OR6C68: variants seen among roughly 807,000 people sequenced by gnomAD.
The protein encoded by OR6C68 is olfactory receptor 6C68.
For missense variants in OR6C68, 440 were observed against 368.5 expected (o/e 1.19, Z -1.59); for synonymous variants, 161 against 129.8 (o/e 1.24, Z -1.63).
In OR6C68 at chr12:55,492,782, C is replaced by A. The variant is rs1234082006; in HGVS notation, c.405C>A (p.Ser135Arg). Residue 135 changes from serine to arginine, a missense_variant, in exon 1 of 1, where the codon AGC (serine) becomes AGA (arginine). Physicochemically the swap from Ser to Arg is moderately radical, Grantham distance 110. Coordinates refer to ENST00000548615, the MANE Select transcript of OR6C68 (RefSeq NM_001005519.2). ...CCTTGCATTATATGGCAATCATGAGCAACAAAGTGTGCAAAACAATGGTTA... is the reference window on the plus strand; with the variant it reads ...CCTTGCATTATATGGCAATCATGAGAAACAAAGTGTGCAAAACAATGGTTA... ...CKPLHYMAIM[S>R]NKVCKTMVIC... 6.2e-7 allele frequency: 1 copy of A among 1,613,986 alleles called. No individual in the cohort carries two copies. The highest frequency in any genetic ancestry group is 8.5e-7 in the Non-Finnish European group (1 of 1,180,006).
In OR6C68 at chr12:55,492,440, G is replaced by T. The variant is rs756062460; in HGVS notation, c.63G>T (p.Leu21=). The change falls in exon 1 of 1, where the codon CTG becomes CTT. Residue 21 remains leucine (L), a synonymous_variant. Transcript: ENST00000548615. Reference sequence around the variant, plus strand: ...TGGGACTGACAGAAGATCCTCAGCTGCAGGTTCTGCTTTTCATGTTTCTAT... The same window carrying T: ...TGGGACTGACAGAAGATCCTCAGCTTCAGGTTCTGCTTTTCATGTTTCTAT... ...ILLGLTEDPQ[L]QVLLFMFLFI... 13 of 1,613,748 alleles carry T rather than the reference G, an allele frequency of 8.1e-6. No homozygotes were observed. In the East Asian group the frequency reaches 2.9e-4, roughly 36 times the overall value.
Position 55,492,730 on chromosome 12 carries a change from A to G in OR6C68, c.353A>G (p.Tyr118Cys). ...TTTTTTCTTTTGGCTACCATGTCAT[A>G]TGATCGCTATGTGGCCATCTGCAAA... ...TEFFLLATMS[Y>C]DRYVAICKPL... Residue 118 changes from tyrosine to cysteine, a missense_variant, in exon 1 of 1, where the codon TAT becomes TGT. Coordinates refer to ENST00000548615, the MANE Select transcript of OR6C68 (RefSeq NM_001005519.2). The G allele has an allele frequency of 6.2e-7, 1 of 1,614,164 alleles. No individual in the cohort carries two copies. Among genetic ancestry groups the G allele is most frequent in the Non-Finnish European group, 8.5e-7 (1 of 1,180,008 alleles).
chr12:55,492,899 T>A lies in OR6C68; in HGVS notation c.522T>A (p.His174Gln), dbSNP rs945922551. Reference protein sequence around the residue: ...LEFCDSNVINHFGCDALPILK... With the variant: ...LEFCDSNVINQFGCDALPILK... Reference sequence around the variant, plus strand: ...TCTGTGACTCTAATGTCATCAATCATTTTGGCTGTGATGCATTGCCTATTC... The same window carrying A: ...TCTGTGACTCTAATGTCATCAATCAATTTGGCTGTGATGCATTGCCTATTC... The change falls in exon 1 of 1, where the codon CAT (histidine) becomes CAA (glutamine). Residue 174 changes from histidine (H) to glutamine (Q), a missense_variant. Coordinates refer to ENST00000548615, the MANE Select transcript of OR6C68 (RefSeq NM_001005519.2). 1.2e-6 allele frequency: 2 copies of A among 1,613,096 alleles called. No individual in the cohort carries two copies. The highest frequency in any genetic ancestry group is 1.7e-6 in the Non-Finnish European group (2 of 1,179,410).
In OR6C68 at chr12:55,493,028, A is replaced by G. The variant is rs758924792; in HGVS notation, c.651A>G (p.Thr217=). 2.5e-6 allele frequency: 4 copies of G among 1,610,004 alleles called. No individual in the cohort carries two copies. The highest frequency in any genetic ancestry group is 3.4e-6 in the Non-Finnish European group (4 of 1,178,568). ...ITLVCVVLSY[T]YIIRTILKFP... The stretch of plus-strand genomic sequence containing the variant: ...TTGTATGTGTAGTTCTGTCCTACAC[A>G]TATATCATAAGAACAATTCTAAAAT... Residue 217 remains threonine (T), a synonymous_variant, in exon 1 of 1, where the codon ACA becomes ACG. Coordinates refer to ENST00000548615, the MANE Select transcript of OR6C68 (RefSeq NM_001005519.2).
Position 55,492,641 on chromosome 12 carries a change from A to C in OR6C68, c.264A>C (p.Lys88Asn). 6.2e-7 allele frequency: 1 copy of C among 1,613,886 alleles called. No individual in the cohort carries two copies. The highest frequency in any genetic ancestry group is 1.1e-5 in the South Asian group (1 of 91,086). Reference protein sequence around the residue: ...RFLYSISTGNKIITYNACVIQ... With the variant: ...RFLYSISTGNNIITYNACVIQ... ...TATACAGTATCTCAACTGGGAACAA[A>C]ATAATAACGTATAATGCATGTGTCA... Residue 88 changes from lysine (K) to asparagine (N), a missense_variant, in exon 1 of 1, where the codon AAA (lysine) becomes AAC (asparagine). Physicochemically the swap from Lys to Asn is moderately conservative, Grantham distance 94. Transcript: ENST00000548615.
chr12:55,492,945 A>G lies in OR6C68; in HGVS notation c.568A>G (p.Thr190Ala), dbSNP rs1308270974. The change falls in exon 1 of 1, where the codon ACA becomes GCA. Residue 190 changes from threonine (T) to alanine (A), a missense_variant. Transcript: ENST00000548615. ...LPILKIPCSDTSLIEQMVVAS... is the reference protein window; with the variant it reads ...LPILKIPCSDASLIEQMVVAS... ...TATTCTGAAAATACCATGCTCAGAC[A>G]CATCATTAATTGAGCAGATGGTTGT... is the stretch of plus-strand genomic sequence containing the variant. 1.2e-6 allele frequency: 2 copies of G among 1,612,360 alleles called. No homozygotes were observed. Among genetic ancestry groups the G allele is most frequent in the Non-Finnish European group, 1.7e-6 (2 of 1,178,998 alleles).
rs1189213492 is a variant in OR6C68 at position 55,492,597 on chromosome 12, A to C, written c.220A>C (p.Thr74Pro). ...LSFLEISFTA[T>P]CVPRFLYSIS... ...TTTCTTAGAAATCTCATTTACAGCT[A>C]CCTGTGTTCCAAGATTCTTATACAG... is the stretch of plus-strand genomic sequence containing the variant. The change falls in exon 1 of 1, where the codon ACC (threonine) becomes CCC (proline). Residue 74 changes from threonine to proline, a missense_variant. By Grantham distance (38) the Thr-to-Pro change is conservative (BLOSUM62 -1). Transcript: ENST00000548615. 1 of 1,613,194 alleles carries C rather than the reference A, an allele frequency of 6.2e-7. No homozygotes were observed. Among genetic ancestry groups the C allele is most frequent in the Non-Finnish European group, 8.5e-7 (1 of 1,179,328 alleles).
Position 55,493,103 on chromosome 12 carries a change from T to C in OR6C68, c.726T>C (p.His242=), listed in dbSNP as rs776110341. Residue 242 remains histidine, a synonymous_variant, in exon 1 of 1, where the codon CAT becomes CAC. Transcript: ENST00000548615. ...KKKAFSTCSS[H]ITVVSITYGS... Reference sequence around the variant, plus strand: ...AAGCCTTTTCTACCTGTTCTTCACATATTACTGTGGTTTCCATCACTTATG... The same window carrying C: ...AAGCCTTTTCTACCTGTTCTTCACACATTACTGTGGTTTCCATCACTTATG... 3.1e-6 allele frequency: 5 copies of C among 1,609,370 alleles called. No individual in the cohort carries two copies. The South Asian group carries it at 5.6e-5, about 18-fold the overall frequency.
At position 55,493,120 on chromosome 12, in the gene OR6C68, T is replaced by C. The variant is rs1434408446; in HGVS notation, c.743T>C (p.Ile248Thr). ...TCTTCACATATTACTGTGGTTTCCA[T>C]CACTTATGGCAGCTGCATCTTCATC... Reference protein sequence around the residue: ...TCSSHITVVSITYGSCIFIYI... With the variant: ...TCSSHITVVSTTYGSCIFIYI... The change falls in exon 1 of 1, where the codon ATC becomes ACC. Residue 248 changes from isoleucine (I) to threonine (T), a missense_variant. Transcript: ENST00000548615. 18 of 1,611,020 alleles carry C rather than the reference T, an allele frequency of 1.1e-5. No individual in the cohort carries two copies. In the African/African-American group the frequency reaches 2.3e-4, roughly 20 times the overall value.
chr12:55,492,844 C>A lies in OR6C68; in HGVS notation c.467C>A (p.Pro156Gln). ...CWMAALMIILPPLSLGFHLEF... is the reference protein window; with the variant it reads ...CWMAALMIILQPLSLGFHLEF... ...ATGGCAGCACTTATGATTATCCTCC[C>A]ACCACTTAGCTTAGGTTTTCATCTA... Residue 156 changes from proline to glutamine, a missense_variant, in exon 1 of 1, where the codon CCA becomes CAA. Transcript: ENST00000548615. 6 of 1,614,074 alleles carry A rather than the reference C, an allele frequency of 3.7e-6. No homozygotes were observed. The highest frequency in any genetic ancestry group is 5.1e-6 in the Non-Finnish European group (6 of 1,179,962).
chr12:55,492,944 C>T lies in OR6C68; in HGVS notation c.567C>T (p.Asp189=), dbSNP rs1872530177. The T allele has an allele frequency of 6.2e-7, 1 of 1,611,978 alleles. No homozygotes were observed. Among genetic ancestry groups the T allele is most frequent in the African/African-American group, 1.3e-5 (1 of 75,030 alleles). ...CTATTCTGAAAATACCATGCTCAGACACATCATTAATTGAGCAGATGGTTG... is the reference window on the plus strand; with the variant it reads ...CTATTCTGAAAATACCATGCTCAGATACATCATTAATTGAGCAGATGGTTG... The part of the protein sequence containing the change: ...ALPILKIPCS[D]TSLIEQMVVA... The change falls in exon 1 of 1, where the codon GAC becomes GAT. Residue 189 remains aspartate, a synonymous_variant. Transcript: ENST00000548615.
At position 55,492,762 on chromosome 12, in the gene OR6C68, C is replaced by T. The variant is rs1015103850; in HGVS notation, c.385C>T (p.His129Tyr). Residue 129 changes from histidine (H) to tyrosine (Y), a missense_variant, in exon 1 of 1, where the codon CAT becomes TAT. Coordinates refer to ENST00000548615, the MANE Select transcript of OR6C68 (RefSeq NM_001005519.2). ...CTATGTGGCCATCTGCAAACCCTTG[C>T]ATTATATGGCAATCATGAGCAACAA... ...DRYVAICKPL[H>Y]YMAIMSNKVC... 6.2e-7 allele frequency: 1 copy of T among 1,614,142 alleles called. No individual in the cohort carries two copies. The highest frequency in any genetic ancestry group is 8.5e-7 in the Non-Finnish European group (1 of 1,180,008).
In OR6C68 at chr12:55,492,786, A is replaced by C. The variant is rs1872525496; in HGVS notation, c.409A>C (p.Lys137Gln). The C allele has an allele frequency of 1.2e-6, 2 of 1,614,076 alleles. No homozygotes were observed. The highest frequency in any genetic ancestry group is 2.7e-5 in the African/African-American group (2 of 74,950). ...PLHYMAIMSNKVCKTMVICCW... is the reference protein window; with the variant it reads ...PLHYMAIMSNQVCKTMVICCW... ...GCATTATATGGCAATCATGAGCAACAAAGTGTGCAAAACAATGGTTATTTG... is the reference window on the plus strand; with the variant it reads ...GCATTATATGGCAATCATGAGCAACCAAGTGTGCAAAACAATGGTTATTTG... The change falls in exon 1 of 1, where the codon AAA becomes CAA. Residue 137 changes from lysine (K) to glutamine (Q), a missense_variant. Lys to Gln is a moderately conservative substitution (Grantham distance 53). Coordinates refer to ENST00000548615, the MANE Select transcript of OR6C68 (RefSeq NM_001005519.2).
chr12:55,493,112 G>C lies in OR6C68; in HGVS notation c.735G>C (p.Val245=), dbSNP rs1204357979. The C allele has an allele frequency of 6.2e-7, 1 of 1,610,404 alleles. No homozygotes were observed. Among genetic ancestry groups the C allele is most frequent in the African/African-American group, 1.3e-5 (1 of 74,686 alleles). Residue 245 remains valine, a synonymous_variant, in exon 1 of 1, where the codon GTG becomes GTC. Coordinates refer to ENST00000548615, the MANE Select transcript of OR6C68 (RefSeq NM_001005519.2). ...CTACCTGTTCTTCACATATTACTGTGGTTTCCATCACTTATGGCAGCTGCA... is the reference window on the plus strand; with the variant it reads ...CTACCTGTTCTTCACATATTACTGTCGTTTCCATCACTTATGGCAGCTGCA... ...AFSTCSSHIT[V]VSITYGSCIF... is the part of the protein sequence containing the mutation.
Position 55,492,575 on chromosome 12 carries a change from C to A in OR6C68, c.198C>A (p.Phe66Leu). The change falls in exon 1 of 1, where the codon TTC becomes TTA. Residue 66 changes from phenylalanine (F) to leucine (L), a missense_variant. Coordinates refer to ENST00000548615, the MANE Select transcript of OR6C68 (RefSeq NM_001005519.2). ...PMYFFLQNLS[F>L]LEISFTATCV... ...ATTTTTTTCTCCAAAATTTATCTTT[C>A]TTAGAAATCTCATTTACAGCTACCT... 1 of 1,613,172 alleles carries A rather than the reference C, an allele frequency of 6.2e-7. No homozygotes were observed. The highest frequency in any genetic ancestry group is 8.5e-7 in the Non-Finnish European group (1 of 1,179,594).
chr12:55,492,560 C>G lies in OR6C68; in HGVS notation c.183C>G (p.Leu61=). ...PHLKTPMYFF[L]QNLSFLEISF... is the part of the protein sequence containing the mutation. ...TGAAAACACCCATGTATTTTTTTCT[C>G]CAAAATTTATCTTTCTTAGAAATCT... Residue 61 remains leucine, a synonymous_variant, in exon 1 of 1, where the codon CTC becomes CTG. Transcript: ENST00000548615. The G allele has an allele frequency of 6.2e-7, 1 of 1,612,672 alleles. No homozygotes were observed. The highest frequency in any genetic ancestry group is 8.5e-7 in the Non-Finnish European group (1 of 1,179,586).
chr12:55,492,602 T>C lies in OR6C68; in HGVS notation c.225T>C (p.Cys75=). Residue 75 remains cysteine (C), a synonymous_variant, in exon 1 of 1, where the codon TGT becomes TGC. Transcript: ENST00000548615. ...SFLEISFTAT[C]VPRFLYSIST... The stretch of plus-strand genomic sequence containing the variant: ...TAGAAATCTCATTTACAGCTACCTG[T>C]GTTCCAAGATTCTTATACAGTATCT... The C allele has an allele frequency of 6.2e-7, 1 of 1,613,310 alleles. No homozygotes were observed. Among genetic ancestry groups the C allele is most frequent in the Non-Finnish European group, 8.5e-7 (1 of 1,179,332 alleles).
rs769452291 is a variant in OR6C68 at position 55,493,174 on chromosome 12, T to C, written c.797T>C (p.Val266Ala). The C allele has an allele frequency of 1.2e-6, 2 of 1,613,730 alleles. No homozygotes were observed. The highest frequency in any genetic ancestry group is 1.1e-5 in the South Asian group (1 of 91,068). ...ATCAAGCCATCTGCAAAAGAAGAGG[T>C]AAACATTAATAAAGGTGTGTCAGTG... ...IYIKPSAKEEVNINKGVSVLI... is the reference protein window; with the variant it reads ...IYIKPSAKEEANINKGVSVLI... Residue 266 changes from valine to alanine, a missense_variant, in exon 1 of 1, where the codon GTA becomes GCA. Physicochemically the swap from Val to Ala is moderately conservative, Grantham distance 64 (BLOSUM62 0). Coordinates refer to ENST00000548615, the MANE Select transcript of OR6C68 (RefSeq NM_001005519.2).
chr12:55,492,722 C>A lies in OR6C68; in HGVS notation c.345C>A (p.Thr115=). 6.2e-7 allele frequency: 1 copy of A among 1,614,024 alleles called. No homozygotes were observed. Residue 115 remains threonine, a synonymous_variant, in exon 1 of 1, where the codon ACC becomes ACA. Transcript: ENST00000548615. ...TAACTGAATTTTTTCTTTTGGCTAC[C>A]ATGTCATATGATCGCTATGTGGCCA... ...FGVTEFFLLA[T]MSYDRYVAIC...
Sources: allele counts gnomAD v4.1 joint callset, GRCh38; gene constraint gnomAD v4.1.1; transcripts MANE v1.5; gene names NCBI Gene and HGNC (gene_info 2026-07-23, HGNC 2026-07-21).